NEGR1: variants seen among roughly 807,000 people sequenced by gnomAD.
NEGR1 encodes neuronal growth regulator 1, also known as IgLON family member 4.
A neutral mutation model predicts 40.9 loss-of-function variants in NEGR1; 10 were observed. That is an observed-to-expected ratio of 0.24 (90% CI 0.15 to 0.42). The LOEUF is 0.42. Among genes scored for constraint, NEGR1 ranks in the 10% least tolerant of loss-of-function variants. The pLI, the probability that NEGR1 is intolerant of heterozygous loss-of-function variation, is 1.00. For synonymous variants in NEGR1, 185 were observed against 166.8 expected (o/e 1.11, Z -0.84); for missense variants, 352 against 438.9 (o/e 0.80, Z 1.77).
At chr1:71,989,677 T>G (rs1007822039) in intron 1 of NEGR1, among the ~76,000 whole-genome samples, 1 of 152,222 alleles carries the variant, frequency 6.6e-6, no homozygotes, top group Non-Finnish European at 1.5e-5. Flanking sequence ...GTAAGTACAT[T>G]ACTGATACCA....
intron 3 of NEGR1, among the ~76,000 whole-genome samples, chr1:71,758,933 C>T (rs1557641424): frequency 6.6e-6 from 1 of 152,114 alleles, no homozygotes; most frequent in Non-Finnish European, 1.5e-5. Context: ...TCAAATTATA[C>T]CTCCATTGAC....
intron 6 of NEGR1, among the ~76,000 whole-genome samples, chr1:71,556,648 CACACAT>C (rs1335490156): frequency 1.6e-4 from 24 of 150,910 alleles, no homozygotes; most frequent in South Asian, 4.2e-4. Flanking sequence ...CACACACACA[CACACAT>C]ACACACACAC....
chr1:71,468,338 C>T (rs1238640027), intron 6 of NEGR1: 4 of 151,828 alleles, frequency 2.6e-5, no homozygotes, highest in Admixed American at 1.3e-4. Flanking sequence ...GCTGAAATCA[C>T]GCAAATATAT....
At chr1:72,081,887 T>G (rs568731070) in intron 1 of NEGR1, among the ~76,000 whole-genome samples, 23 of 152,212 alleles carry the variant, frequency 1.5e-4, no homozygotes, top group African/African-American at 4.6e-4. Flanking sequence ...TAAGAGACCT[T>G]ACTAGATGTC....
intron 6 of NEGR1, among the ~76,000 whole-genome samples, chr1:71,572,152 A>C (rs1356969371): frequency 6.6e-6 from 1 of 152,156 alleles, no homozygotes; most frequent in Non-Finnish European, 1.5e-5. Context: ...TAGAGTTTAA[A>C]ACTCTAACAA....
chr1:71,740,540 C>T (rs909986753), intron 3 of NEGR1, among the ~76,000 whole-genome samples: 1 of 152,088 alleles, frequency 6.6e-6, no homozygotes, highest in Non-Finnish European at 1.5e-5. Flanking sequence ...CTTCATCCCA[C>T]AAAGATGTTT....
chr1:72,100,234 C>T (rs904929799), intron 1 of NEGR1, among the ~76,000 whole-genome samples: 4 of 152,122 alleles, frequency 2.6e-5, no homozygotes, highest in Non-Finnish European at 4.4e-5. Context: ...AATTTTAAAA[C>T]GTCCCCATGG....
At chr1:72,194,698 G>A (rs1320670533) in intron 1 of NEGR1, among the ~76,000 whole-genome samples, 1 of 152,044 alleles carries the variant, frequency 6.6e-6, no homozygotes, top group Non-Finnish European at 1.5e-5. Flanking sequence ...AATTGAATTT[G>A]CTTTTCACAA....
chr1:71,559,009 C>CTGTG (rs573407911), intron 6 of NEGR1, among the ~76,000 whole-genome samples: 11,292 of 119,568 alleles, frequency 0.094, 559 homozygotes, highest in South Asian at 0.13. Context: ...TTTATCTTCT[C>CTGTG]TGTGTGTGTG....
intron 1 of NEGR1, among the ~76,000 whole-genome samples, chr1:72,128,812 T>C (rs555815601): frequency 3.3e-4 from 51 of 152,260 alleles, no homozygotes; most frequent in African/African-American, 1.2e-3. Context: ...GTTTCTCAAT[T>C]AGATTAACAT....
chr1:71,930,411 A>C (rs1645843979), intron 2 of NEGR1, among the ~76,000 whole-genome samples: 2 of 152,292 alleles, frequency 1.3e-5, no homozygotes, highest in African/African-American at 4.8e-5. Context: ...GAAATCTTAG[A>C]AATAAATTTT....
At chr1:71,924,029 C>T (rs1186742977) in intron 2 of NEGR1, among the ~76,000 whole-genome samples, 1 of 152,022 alleles carries the variant, frequency 6.6e-6, no homozygotes, top group Non-Finnish European at 1.5e-5. Context: ...TCACCTCAGC[C>T]TCCAAAGTAG....
At chr1:71,690,507 T>A (rs1653220262) in intron 4 of NEGR1, among the ~76,000 whole-genome samples, 1 of 150,980 alleles carries the variant, frequency 6.6e-6, no homozygotes, top group Admixed American at 6.6e-5. Flanking sequence ...TTTGGCTGCT[T>A]ATTAGAACAT....
intron 4 of NEGR1, among the ~76,000 whole-genome samples, chr1:71,675,527 TGAGA>T (rs376606071): frequency 1.4e-5 from 2 of 147,840 alleles, no homozygotes; most frequent in African/African-American, 2.5e-5. Context: ...ATATAGAGAG[TGAGA>T]GAGAGAGAGA....
chr1:71,533,451 T>C lies in NEGR1; in HGVS notation c.940+59366A>G, dbSNP rs1647418050. Among the ~76,000 whole-genome samples the C allele has an allele frequency of 2.0e-5, 3 of 151,658 alleles. No individual in the cohort carries two copies. In the South Asian group the frequency reaches 6.2e-4, roughly 31 times the overall value. ...ACTTGGCCACATAGAGGACCAATTA[T>C]ATCTGCTTTTATGTTTTTGTGTAGA... is the stretch of plus-strand genomic sequence containing the variant. On this transcript the variant is annotated intron_variant, in intron 6 of 6. Coordinates refer to ENST00000357731, the MANE Select transcript of NEGR1 (RefSeq NM_173808.3).
chr1:71,722,071 G>C (rs1051192526), intron 3 of NEGR1, among the ~76,000 whole-genome samples: 2 of 152,058 alleles, frequency 1.3e-5, no homozygotes, highest in South Asian at 4.1e-4. Context: ...AATGACATTA[G>C]GGGACTTTTC....
In NEGR1 at chr1:72,105,146, C is replaced by A. The variant is rs1373302245; in HGVS notation, c.177-169835G>T. Among the ~76,000 whole-genome samples the A allele has an allele frequency of 7.2e-5, 11 of 152,196 alleles. No homozygotes were observed. The East Asian group carries it at 1.9e-3, about 27-fold the overall frequency. On this transcript the variant is annotated intron_variant, in intron 1 of 6. Transcript: ENST00000357731. ...AAGACAATAAATTCAATCTTTCCTG[C>A]CTCCAAACTATTCTCTATACTACAG... is the stretch of plus-strand genomic sequence containing the variant.
chr1:71,627,426 A>G (rs1157553438), intron 4 of NEGR1, among the ~76,000 whole-genome samples: 1 of 152,082 alleles, frequency 6.6e-6, no homozygotes, highest in Non-Finnish European at 1.5e-5. Context: ...GCATTTGTCT[A>G]TGACTCCCAC....
intron 6 of NEGR1, among the ~76,000 whole-genome samples, chr1:71,473,184 G>A (rs1646793655): frequency 6.6e-6 from 1 of 151,986 alleles, no homozygotes; most frequent in Non-Finnish European, 1.5e-5. Flanking sequence ...TACTAAGATT[G>A]AAAGTGCACA....
Sources: allele counts gnomAD v4.1 joint callset (sites outside exome capture counted in the v4.1 genomes callset), GRCh38; gene constraint gnomAD v4.1.1; transcripts MANE v1.5; gene names NCBI Gene and HGNC (gene_info 2026-07-23, HGNC 2026-07-21).